The following CSN1S1 variants were observed in gnomAD, a reference collection of about 807,000 sequenced individuals.
CSN1S1 encodes casein alpha s1, also known as alpha-S1-casein.
CSN1S1 carries 63 observed loss-of-function variants against 49.1 expected under a neutral mutation model. That is an observed-to-expected ratio of 1.28 (90% confidence interval 1.05 to 1.58). The LOEUF is 1.58. Among genes scored for constraint, CSN1S1 ranks in the 40% most tolerant of loss-of-function variants. The pLI is 0.00. For synonymous variants in CSN1S1, 78 were observed against 67.1 expected, an observed-to-expected ratio of 1.16 and a Z score of -0.79; for missense variants, 260 against 224.7, an observed-to-expected ratio of 1.16 and a Z score of -1.01.
intron 11 of CSN1S1, among the ~76,000 whole-genome samples, chr4:69,940,476 C>G (rs971890212): frequency 6.6e-6 from 1 of 151,726 alleles, no homozygotes; most frequent in African/African-American, 2.4e-5. Flanking sequence ...TTGAGTTCAA[C>G]TCATAGCTCT....
At chr4:69,945,323 C>T (rs997604345) in intron 15 of CSN1S1, among the ~76,000 whole-genome samples, 3 of 151,904 alleles carry the variant, frequency 2.0e-5, no homozygotes, top group South Asian at 2.1e-4. Context: ...ATCCTTTTTG[C>T]GCTTTTACTA....
At chr4:69,945,716 T>A (rs1016529309) in intron 15 of CSN1S1, among the ~76,000 whole-genome samples, 1 of 151,974 alleles carries the variant, frequency 6.6e-6, no homozygotes, top group Non-Finnish European at 1.5e-5. Context: ...TAACCATTGA[T>A]CTTATTTTTT....
chr4:69,939,090 G>A (rs893005388), intron 9 of CSN1S1, 86 bp from the exon 10 acceptor site: 2 of 905,584 alleles, frequency 2.2e-6, no homozygotes, highest in Non-Finnish European at 3.5e-6. Context: ...ACCATGGTAA[G>A]CATTTCACCA....
intron 9 of CSN1S1, among the ~76,000 whole-genome samples, chr4:69,938,681 AAG>A (rs1560388346): frequency 6.6e-6 from 1 of 151,770 alleles, no homozygotes; most frequent in Non-Finnish European, 1.5e-5. Flanking sequence ...TTTGAAGAAA[AAG>A]TAAATATTTC....
intron 8 of CSN1S1, 78 bp from the exon 9 acceptor site, chr4:69,937,722 A>G (rs746715690): frequency 6.9e-6 from 8 of 1,156,462 alleles, no homozygotes; most frequent in Non-Finnish European, 9.9e-6. Flanking sequence ...TTTGACATCC[A>G]TTTTATTTGG....
intron 4 of CSN1S1, among the ~76,000 whole-genome samples, chr4:69,935,287 C>G (rs1037131382): frequency 6.6e-6 from 1 of 150,888 alleles, no homozygotes; most frequent in Non-Finnish European, 1.5e-5. Flanking sequence ...ACCTGTAATC[C>G]CAACACTTTG....
intron 15 of CSN1S1, among the ~76,000 whole-genome samples, chr4:69,945,824 A>G (rs1723144823): frequency 6.9e-6 from 1 of 145,088 alleles, no homozygotes. Flanking sequence ...TATTTTCACC[A>G]CTACATTGGA....
chr4:69,942,638 C>G, intron 14 of CSN1S1, 61 bp downstream of exon 14: 2 of 1,296,594 alleles, frequency 1.5e-6, no homozygotes, highest in Non-Finnish European at 2.2e-6. Flanking sequence ...AATATGTTTG[C>G]TCTTAAATAG....
At position 69,936,469 on chromosome 4, in the gene CSN1S1, G is replaced by A; in HGVS notation, c.143G>A (p.Gly48Asp). 6.4e-7 allele frequency: 1 copy of A among 1,564,718 alleles called. No homozygotes were observed. Among genetic ancestry groups the A allele is most frequent in the Non-Finnish European group, 8.8e-7 (1 of 1,137,750 alleles). ...TTTATCCCTAAGGAATACATGAATG[G>A]TATGAACAGGGTAAGAAACATCAAT... ...PLESREEYMNGMNRQRNILRE... is the reference protein window; with the variant it reads ...PLESREEYMNDMNRQRNILRE... The change falls in exon 6 of 16, where the codon GGT (glycine) becomes GAT (aspartate). Residue 48 changes from glycine to aspartate, a missense_variant. By Grantham distance (94) the Gly-to-Asp change is moderately conservative (BLOSUM62 -1). Transcript: ENST00000246891.
At chr4:69,938,803 A>G (rs1722887029) in intron 9 of CSN1S1, among the ~76,000 whole-genome samples, 1 of 151,752 alleles carries the variant, frequency 6.6e-6, no homozygotes, top group African/African-American at 2.4e-5. Context: ...GACAGATGAG[A>G]ACAGATGTTT....
intron 15 of CSN1S1, 115 bp downstream of exon 15, chr4:69,945,119 C>G (rs935872461): frequency 9.6e-7 from 1 of 1,041,752 alleles, no homozygotes; most frequent in Non-Finnish European, 1.4e-6. Context: ...TCAATGCCTA[C>G]TGCAAAGGAC....
At chr4:69,939,962 C>A in intron 10 of CSN1S1, 59 bp from the exon 11 acceptor site, 1 of 999,292 alleles carries the variant, frequency 1.0e-6, no homozygotes, top group Non-Finnish European at 1.4e-6. Flanking sequence ...CATATTTTAA[C>A]TTTAAATGTA....
At chr4:69,937,693 G>A in intron 8 of CSN1S1, 107 bp from the exon 9 acceptor site, 1 of 839,264 alleles carries the variant, frequency 1.2e-6, no homozygotes, top group Non-Finnish European at 1.8e-6. Flanking sequence ...CTTTTATATT[G>A]TCTCAGTTTT....
intron 7 of CSN1S1, 96 bp downstream of exon 7, chr4:69,936,703 T>C (rs1722800113): frequency 8.8e-7 from 1 of 1,136,150 alleles, no homozygotes; most frequent in East Asian, 2.6e-5. Context: ...TTTTCTATGG[T>C]TTTGTCCTTT....
intron 10 of CSN1S1, among the ~76,000 whole-genome samples, chr4:69,939,682 C>G (rs1005891839): frequency 2.0e-5 from 3 of 151,640 alleles, no homozygotes; most frequent in African/African-American, 7.2e-5. Flanking sequence ...AAAAGTGGTG[C>G]GGTTTTTCCT....
intron 3 of CSN1S1, 85 bp downstream of exon 3, chr4:69,934,329 AG>A: frequency 1.5e-6 from 2 of 1,312,758 alleles, no homozygotes; most frequent in Non-Finnish European, 2.2e-6. Context: ...TCTATGAAAC[AG>A]CCTGCTTCAC....
At position 69,936,660 on chromosome 4, in the gene CSN1S1, GA is replaced by G. The variant is rs1025331966; in HGVS notation, c.195+60del. 2.9e-5 allele frequency: 43 copies of G among 1,501,942 alleles called. 1 individual carries two copies. Among genetic ancestry groups the G allele is most frequent in the South Asian group, 2.3e-4 (18 of 78,210 alleles). 93.0% of individuals were successfully genotyped at this position (1,501,942 alleles called of 1,614,324 possible). On this transcript the variant is annotated intron_variant, in intron 7 of 15. Transcript: ENST00000246891. ...GGCAAAAGTATATATTCTTGTAGTA[GA>G]AAAAAAGTTTTCCTTTAGGAAAAAA... is the stretch of plus-strand genomic sequence containing the variant.
intron 13 of CSN1S1, 187 bp from the exon 14 acceptor site, chr4:69,942,349 T>G (rs1722997892): frequency 1.6e-6 from 1 of 622,320 alleles, no homozygotes; most frequent in African/African-American, 1.8e-5. Flanking sequence ...GCTTAGCCTT[T>G]AGCTAAAATT....
intron 3 of CSN1S1, 85 bp downstream of exon 3, chr4:69,934,329 A>G (rs1722703728): frequency 7.6e-7 from 1 of 1,312,640 alleles, no homozygotes. Flanking sequence ...TCTATGAAAC[A>G]GCCTGCTTCA....
Sources: gnomAD v4.1 joint callset for allele counts (sites outside exome capture counted in the v4.1 genomes callset) on GRCh38, gnomAD v4.1.1 for gene constraint, MANE v1.5 for transcripts, NCBI Gene and HGNC (gene_info 2026-07-23, HGNC 2026-07-21) for gene names.